AGPAT4: variants seen among roughly 807,000 people sequenced by gnomAD.
AGPAT4 encodes the protein 1-acylglycerol-3-phosphate O-acyltransferase 4.
AGPAT4 carries 15 observed loss-of-function variants against 48.0 expected under a neutral mutation model. The ratio of observed to expected loss-of-function variants is 0.31; its 90% confidence interval spans 0.21 to 0.48. The LOEUF (loss-of-function observed/expected upper bound fraction) is 0.48. Ranked by LOEUF, AGPAT4 falls within the 20% of genes least tolerant of loss-of-function variation. The pLI, the probability that AGPAT4 is intolerant of heterozygous loss-of-function variation, is 0.99. For synonymous variants in AGPAT4, 178 were observed against 198.7 expected, an observed-to-expected ratio of 0.90 and a Z score of 0.88; for missense variants, 314 against 482.5, an observed-to-expected ratio of 0.65 and a Z score of 3.27.
At position 161,235,152 on chromosome 6, in the gene AGPAT4, T is replaced by C. The variant is rs1782239467; in HGVS notation, c.-89-2850A>G. ...TGCCCAAGTTTGCAGCTCTGCCCTG[T>C]CTCTTATTAGTTGTGTATTGGTACC... On this transcript the variant is annotated intron_variant, in intron 1 of 8. Coordinates refer to ENST00000320285, the MANE Select transcript of AGPAT4 (RefSeq NM_020133.3). The surrounding 1 kb of genome is among the most constrained non-coding windows in gnomAD (Gnocchi z 6.2). Among the ~76,000 whole-genome samples the C allele has an allele frequency of 6.6e-6, 1 of 152,180 alleles. No homozygotes were observed.
intron 3 of AGPAT4, among the ~76,000 whole-genome samples, chr6:161,156,774 G>C (rs1486558425): frequency 3.9e-5 from 6 of 152,250 alleles, no homozygotes; most frequent in African/African-American, 1.4e-4. Flanking sequence ...ACCAGAATGA[G>C]GGCAAGGAAC....
rs1437378439 is a variant in AGPAT4, at chr6:161,147,351, T to C, written c.768-752A>G. ...AGAAGTCACTCTGCCACCTTTGCCC[T>C]TCCTATTTGTTCTCAGGTTGATGGC... is the stretch of plus-strand genomic sequence containing the variant. On this transcript the variant is annotated intron_variant, in intron 6 of 8. Transcript: ENST00000320285. This position sits in a 1 kb window ranked among gnomAD's most constrained non-coding sequence, Gnocchi z 4.8. 6.6e-6 allele frequency among the ~76,000 whole-genome samples: 1 copy of C among 152,204 alleles called. No homozygotes were observed. Among genetic ancestry groups the C allele is most frequent in the African/African-American group, 2.4e-5 (1 of 41,452 alleles).
At chr6:161,250,459 C>T (rs1446322222) in intron 1 of AGPAT4, among the ~76,000 whole-genome samples, 1 of 151,916 alleles carries the variant, frequency 6.6e-6, no homozygotes, top group Admixed American at 6.6e-5. Context: ...TATAAATATC[C>T]TTCTCATAAT....
chr6:161,267,054 C>A lies in AGPAT4; in HGVS notation c.-90+6884G>T, dbSNP rs974946630. ...GAAAGCCTCTGACTCCATCCACCCA[C>A]CGCCTTGGGAACTCTGAGAGCAGCC... On this transcript the variant is annotated intron_variant, in intron 1 of 8. Coordinates refer to ENST00000320285, the MANE Select transcript of AGPAT4 (RefSeq NM_020133.3). This position sits in a 1 kb window ranked among gnomAD's most constrained non-coding sequence, Gnocchi z 5.2. Among the ~76,000 whole-genome samples the A allele has an allele frequency of 6.6e-6, 1 of 152,214 alleles. No individual in the cohort carries two copies. Among genetic ancestry groups the A allele is most frequent in the Non-Finnish European group, 1.5e-5 (1 of 68,042 alleles).
At position 161,178,415 on chromosome 6, in the gene AGPAT4, G is replaced by A. The variant is rs1006213390; in HGVS notation, c.179-11998C>T. 9.9e-5 allele frequency among the ~76,000 whole-genome samples: 15 copies of A among 152,212 alleles called. No individual in the cohort carries two copies. Among genetic ancestry groups the A allele is most frequent in the African/African-American group, 2.9e-4 (12 of 41,458 alleles). On this transcript the variant is annotated intron_variant, in intron 2 of 8. Transcript: ENST00000320285. The surrounding 1 kb of genome is among the most constrained non-coding windows in gnomAD (Gnocchi z 5.1). ...TAGCAATGAGCAAGGCTCCGTGGGC[G>A]TCGGACCCTCTGAGCCAGACACGGG...
Position 161,132,148 on chromosome 6 carries a change from TTGTC to T in AGPAT4, c.*4388_*4391del, listed in dbSNP as rs1778920431. 1 of 152,208 alleles carries T rather than the reference TTGTC, an allele frequency of 6.6e-6. No individual in the cohort carries two copies. Among genetic ancestry groups the T allele is most frequent in the Non-Finnish European group, 1.5e-5 (1 of 68,038 alleles). The allele number at this position is 152,208 out of a possible 1,614,324, so 9.4% of individuals were successfully genotyped here. ...TTTGTAAAGACTGCTTGCTTACCCT[TTGTC>T]TGGCATGCACATTCAGGATGTGACT... On this transcript the variant is annotated 3_prime_UTR_variant, in exon 9 of 9. Transcript: ENST00000320285.
intron 2 of AGPAT4, among the ~76,000 whole-genome samples, chr6:161,167,585 C>G (rs1359368047): frequency 6.6e-6 from 1 of 152,168 alleles, no homozygotes; most frequent in Non-Finnish European, 1.5e-5. Flanking sequence ...GACTCACTCC[C>G]TCCCCACCCC....
At chr6:161,162,210 G>A (rs574475275) in intron 3 of AGPAT4, among the ~76,000 whole-genome samples, 34 of 152,338 alleles carry the variant, frequency 2.2e-4, no homozygotes, top group African/African-American at 7.9e-4. Flanking sequence ...ACCGTGGGGT[G>A]GGCAGCCGCC....
In AGPAT4 at chr6:161,133,262, G is replaced by C. The variant is rs1011613441; in HGVS notation, c.*3278C>G. ...TTTCACATCACTGTTACAAGTTGTG[G>C]CTGGACAATTAATGACATTTAAATC... On this transcript the variant is annotated 3_prime_UTR_variant, in exon 9 of 9. Transcript: ENST00000320285. The C allele has an allele frequency of 2.6e-4, 40 of 152,152 alleles. No individual in the cohort carries two copies. Among genetic ancestry groups the C allele is most frequent in the African/African-American group, 9.2e-4 (38 of 41,418 alleles). The allele number at this position is 152,152 out of a possible 1,614,324, so 9.4% of individuals were successfully genotyped here.
In AGPAT4 at chr6:161,262,942, G is replaced by T. The variant is rs6926382; in HGVS notation, c.-90+10996C>A. 0.6 allele frequency among the ~76,000 whole-genome samples: 90,854 copies of T among 151,892 alleles called. 28,611 individuals carry two copies. The highest frequency in any genetic ancestry group is 0.8 in the African/African-American group (33,347 of 41,430). On this transcript the variant is annotated intron_variant, in intron 1 of 8. Transcript: ENST00000320285. The surrounding 1 kb of genome is among the most constrained non-coding windows in gnomAD (Gnocchi z 4.9). ...GACCGAGGAAGAGAGGCCAGGAGGA[G>T]CAAAGCAAGCCCTGGGCTATTCCAG...
At chr6:161,188,617 C>A (rs1020284963) in intron 2 of AGPAT4, among the ~76,000 whole-genome samples, 1 of 152,154 alleles carries the variant, frequency 6.6e-6, no homozygotes, top group Non-Finnish European at 1.5e-5. Context: ...GGGACACATA[C>A]TAAAAAATCA....
rs571937761 is a variant in AGPAT4, at chr6:161,206,235, G to T, written c.178+25801C>A. ...ACCCCCCATCAGCAAAGGTTGGGGT[G>T]GGGGGCTGTAATTTCACATCCTCTA... On this transcript the variant is annotated intron_variant, in intron 2 of 8. Transcript: ENST00000320285. The surrounding 1 kb of genome is among the most constrained non-coding windows in gnomAD (Gnocchi z 4.8). Among the ~76,000 whole-genome samples, 29 of 152,178 alleles carry T rather than the reference G, an allele frequency of 1.9e-4. No individual in the cohort carries two copies. Among genetic ancestry groups the T allele is most frequent in the African/African-American group, 6.0e-4 (25 of 41,534 alleles).
rs1338454761 is a variant in AGPAT4 at position 161,217,201 on chromosome 6, G to A, written c.178+14835C>T. Among the ~76,000 whole-genome samples the A allele has an allele frequency of 6.6e-6, 1 of 152,216 alleles. No individual in the cohort carries two copies. The highest frequency in any genetic ancestry group is 1.5e-5 in the Non-Finnish European group (1 of 68,038). On this transcript the variant is annotated intron_variant, in intron 2 of 8. Coordinates refer to ENST00000320285, the MANE Select transcript of AGPAT4 (RefSeq NM_020133.3). The surrounding 1 kb of genome is among the most constrained non-coding windows in gnomAD (Gnocchi z 4.9). ...GGACGCGAAAGGACAGGGGAACACC[G>A]GAGAACTCGGTCATCCGCTTGGGAG...
chr6:161,257,562 T>C (rs1345377851), intron 1 of AGPAT4, among the ~76,000 whole-genome samples: 1 of 152,178 alleles, frequency 6.6e-6, no homozygotes, highest in Non-Finnish European at 1.5e-5. Context: ...GGTGAATTTA[T>C]GGTATGTAAA....
Position 161,233,101 on chromosome 6 carries a change from C to G in AGPAT4, c.-89-799G>C, listed in dbSNP as rs9458162. Among the ~76,000 whole-genome samples, 23 of 146,078 alleles carry G rather than the reference C, an allele frequency of 1.6e-4. No individual in the cohort carries two copies. The highest frequency in any genetic ancestry group is 6.2e-4 in the African/African-American group (23 of 37,164). ...ACACACAGAGACACATAGACACACA[C>G]ACAAACACCACACACACACACACAC... On this transcript the variant is annotated intron_variant, in intron 1 of 8. Coordinates refer to ENST00000320285, the MANE Select transcript of AGPAT4 (RefSeq NM_020133.3). The surrounding 1 kb of genome is among the most constrained non-coding windows in gnomAD (Gnocchi z 5.4).
chr6:161,141,457 C>A lies in AGPAT4; in HGVS notation c.844-1837G>T, dbSNP rs900834165. On this transcript the variant is annotated intron_variant, in intron 7 of 8. Transcript: ENST00000320285. This position sits in a 1 kb window ranked among gnomAD's most constrained non-coding sequence, Gnocchi z 6.7. ...ACAGGCAATGCCCAGAGAGGTGGCA[C>A]CCAACTCTGCCAGGGAAGCAGCGGC... is the stretch of plus-strand genomic sequence containing the variant. Among the ~76,000 whole-genome samples, 1 of 152,156 alleles carries A rather than the reference C, an allele frequency of 6.6e-6. No individual in the cohort carries two copies. Among genetic ancestry groups the A allele is most frequent in the Admixed American group, 6.5e-5 (1 of 15,286 alleles).
chr6:161,266,999 G>A lies in AGPAT4; in HGVS notation c.-90+6939C>T, dbSNP rs1204016173. 6.6e-6 allele frequency among the ~76,000 whole-genome samples: 1 copy of A among 152,168 alleles called. No homozygotes were observed. The highest frequency in any genetic ancestry group is 1.5e-5 in the Non-Finnish European group (1 of 68,028). Reference sequence around the variant, plus strand: ...TAATAATCTGCCTTTAAACCCCGTGGTGGATTTGTGGAAAGTCCACTGAAG... The same window carrying A: ...TAATAATCTGCCTTTAAACCCCGTGATGGATTTGTGGAAAGTCCACTGAAG... On this transcript the variant is annotated intron_variant, in intron 1 of 8. Coordinates refer to ENST00000320285, the MANE Select transcript of AGPAT4 (RefSeq NM_020133.3). This position sits in a 1 kb window ranked among gnomAD's most constrained non-coding sequence, Gnocchi z 6.2.
At chr6:161,247,332 CAAAATGCATACAATTCT>C (rs1782681420) in intron 1 of AGPAT4, among the ~76,000 whole-genome samples, 2 of 152,148 alleles carry the variant, frequency 1.3e-5, no homozygotes, top group South Asian at 4.1e-4. Context: ...ATTCATTATA[CAAAATGCATACAATTCT>C]AAAATGCAGA....
rs1231919737 is a variant in AGPAT4, at chr6:161,242,796, C to T, written c.-89-10494G>A. 1.3e-5 allele frequency among the ~76,000 whole-genome samples: 2 copies of T among 152,150 alleles called. No homozygotes were observed. Among genetic ancestry groups the T allele is most frequent in the Non-Finnish European group, 1.5e-5 (1 of 68,028 alleles). On this transcript the variant is annotated intron_variant, in intron 1 of 8. Coordinates refer to ENST00000320285, the MANE Select transcript of AGPAT4 (RefSeq NM_020133.3). This position sits in a 1 kb window ranked among gnomAD's most constrained non-coding sequence, Gnocchi z 5.0. ...GGTTAATAAGGAAACCTAGGCCGGGCGCAGCGGCTCACACCTGTCATCCCA... is the reference window on the plus strand; with the variant it reads ...GGTTAATAAGGAAACCTAGGCCGGGTGCAGCGGCTCACACCTGTCATCCCA...
Sources: allele counts gnomAD v4.1 joint callset (sites outside exome capture counted in the v4.1 genomes callset), GRCh38; gene constraint gnomAD v4.1.1; non-coding constraint Gnocchi (gnomAD v3.1); transcripts MANE v1.5; gene names NCBI Gene and HGNC (gene_info 2026-07-23, HGNC 2026-07-21).